Variants in RASSF4 observed in about 807,000 individuals in gnomAD.
RASSF4 encodes the protein Ras association domain family member 4.
In RASSF4, 38 loss-of-function variants were observed where a neutral mutation model predicts 41.1. The ratio of observed to expected loss-of-function variants is 0.92; its 90% confidence interval spans 0.71 to 1.21. The LOEUF (loss-of-function observed/expected upper bound fraction) is 1.21. Ranked by LOEUF, RASSF4 falls within the 50% of genes most tolerant of loss-of-function variation. RASSF4 has a pLI of 0.00. For synonymous variants in RASSF4, 179 were observed against 163.4 expected, an observed-to-expected ratio of 1.10 and a Z score of -0.73; for missense variants, 414 against 419.4, an observed-to-expected ratio of 0.99 and a Z score of 0.11.
At chr10:44,963,380 T>C (rs1289924589) in intron 1 of RASSF4, among the ~76,000 whole-genome samples, 1 of 152,202 alleles carries the variant, frequency 6.6e-6, no homozygotes, top group East Asian at 1.9e-4. Flanking sequence ...CAGAGGCACC[T>C]GGTTTCGGCA....
chr10:44,989,997 ATTAAGT>A (rs1842051387), intron 8 of RASSF4, among the ~76,000 whole-genome samples: 1 of 152,260 alleles, frequency 6.6e-6, no homozygotes, highest in Non-Finnish European at 1.5e-5. Flanking sequence ...CGCTCAGTAC[ATTAAGT>A]TTAATTCTTT....
chr10:44,971,771 A>T lies in RASSF4; in HGVS notation c.63-2A>T. On this transcript the variant is annotated splice_acceptor_variant, in intron 2 of 10. Coordinates refer to ENST00000340258, the MANE Select transcript of RASSF4 (RefSeq NM_032023.4). LOFTEE classifies it high-confidence loss of function. ...AGTACATGTGTGTCTTTCCCTTTTT[A>T]GGTCGGAGCTCTTAGGCCTGCTGAA... 6.2e-7 allele frequency: 1 copy of T among 1,613,424 alleles called. No individual in the cohort carries two copies. The highest frequency in any genetic ancestry group is 8.5e-7 in the Non-Finnish European group (1 of 1,179,380).
chr10:44,992,842 C>T (rs1675276558), intron 10 of RASSF4, among the ~76,000 whole-genome samples: 1 of 152,178 alleles, frequency 6.6e-6, no homozygotes, highest in Non-Finnish European at 1.5e-5. Context: ...TGCAGTCAGT[C>T]CTGACCCCGT....
intron 5 of RASSF4, 174 bp from the exon 6 acceptor site, chr10:44,984,639 C>T: frequency 1.4e-6 from 1 of 729,630 alleles, no homozygotes; most frequent in Non-Finnish European, 2.3e-6. Flanking sequence ...TGGGTCTCAC[C>T]TTCCTATCTG....
intron 3 of RASSF4, among the ~76,000 whole-genome samples, chr10:44,980,281 C>T (rs1023127965): frequency 1.1e-4 from 16 of 152,240 alleles, no homozygotes; most frequent in Non-Finnish European, 1.9e-4. Context: ...TCACCTTGCC[C>T]AAGCTCTTAT....
chr10:44,984,426 C>T, intron 5 of RASSF4: 1 of 491,730 alleles, frequency 2.0e-6, no homozygotes, highest in African/African-American at 1.9e-5. Context: ...GGCCCCTCAC[C>T]TCCCTCTGCG....
At position 44,990,816 on chromosome 10, in the gene RASSF4, C is replaced by T. The variant is rs116370796; in HGVS notation, c.686-132C>T. 5.2e-4 allele frequency: 434 copies of T among 836,748 alleles called. No individual in the cohort carries two copies. In the African/African-American group the frequency reaches 6.2e-3, roughly 12 times the overall value. The allele number at this position is 836,748 out of a possible 1,614,324, so 51.8% of individuals were successfully genotyped here. On this transcript the variant is annotated intron_variant, in intron 8 of 10. Transcript: ENST00000340258. ...CATGAGCAGGAATCTCTCAGGGCAG[C>T]GCTGTTAGCGAGGTCTGTGTTCTTA...
chr10:44,971,576 C>A, intron 2 of RASSF4, 197 bp from the exon 3 acceptor site: 2 of 687,586 alleles, frequency 2.9e-6, no homozygotes, highest in Non-Finnish European at 5.3e-6. Context: ...ACCCCCATGC[C>A]CCCCACCAGG....
intron 1 of RASSF4, among the ~76,000 whole-genome samples, chr10:44,964,561 C>T (rs1205585099): frequency 1.3e-5 from 2 of 152,224 alleles, no homozygotes; most frequent in African/African-American, 4.8e-5. Flanking sequence ...CTGCTGCCAC[C>T]CATGCAGCCT....
chr10:44,994,793 C>T lies in RASSF4; in HGVS notation c.*1464C>T, dbSNP rs1488735740. The T allele has an allele frequency of 6.6e-6, 1 of 150,766 alleles. No individual in the cohort carries two copies. Among genetic ancestry groups the T allele is most frequent in the Non-Finnish European group, 1.5e-5 (1 of 67,914 alleles). The allele number at this position is 150,766 out of a possible 1,614,324, so 9.3% of individuals were successfully genotyped here. On this transcript the variant is annotated 3_prime_UTR_variant, in exon 11 of 11. Coordinates refer to ENST00000340258, the MANE Select transcript of RASSF4 (RefSeq NM_032023.4). ...ACCCCCGGCTCTAACTTCTGAAACT[C>T]TTATCCTAAAGGATGTGTGGCCATG...
At chr10:44,969,377 A>G (rs905686073) in intron 1 of RASSF4, among the ~76,000 whole-genome samples, 1 of 151,800 alleles carries the variant, frequency 6.6e-6, no homozygotes, top group Non-Finnish European at 1.5e-5. Context: ...GTGTGTGTGA[A>G]CCGCGTGTGT....
intron 4 of RASSF4, chr10:44,983,631 T>C (rs1841804518): frequency 8.9e-6 from 2 of 224,964 alleles, no homozygotes; most frequent in South Asian, 1.2e-4. Flanking sequence ...TGGGCCCTTC[T>C]AGGTGGCCCC....
At chr10:44,970,934 G>A (rs1270715464) in intron 2 of RASSF4, 7 of 158,006 alleles carry the variant, frequency 4.4e-5, no homozygotes, top group Admixed American at 4.2e-4. Context: ...ATCACCACGG[G>A]GATGGCCCAA....
At position 44,995,227 on chromosome 10, in the gene RASSF4, T is replaced by G. The variant is rs1009900882; in HGVS notation, c.*1898T>G. On this transcript the variant is annotated 3_prime_UTR_variant, in exon 11 of 11. Transcript: ENST00000340258. The stretch of plus-strand genomic sequence containing the variant: ...GTGCTCAGCCCTGGAGGCACAAAGA[T>G]GGAGCCAGTCTGTCCTGTGTCTAGG... 3 of 152,292 alleles carry G rather than the reference T, an allele frequency of 2.0e-5. No homozygotes were observed. Among genetic ancestry groups the G allele is most frequent in the African/African-American group, 7.2e-5 (3 of 41,472 alleles). The allele number at this position is 152,292 out of a possible 1,614,324, so 9.4% of individuals were successfully genotyped here.
chr10:44,982,798 C>A, intron 4 of RASSF4, 135 bp downstream of exon 4: 1 of 963,178 alleles, frequency 1.0e-6, no homozygotes, highest in Non-Finnish European at 1.6e-6. Flanking sequence ...CATCCCCATG[C>A]CCTGTGACTG....
intron 1 of RASSF4, among the ~76,000 whole-genome samples, chr10:44,962,178 A>G (rs1840733834): frequency 6.6e-6 from 1 of 152,232 alleles, no homozygotes; most frequent in Admixed American, 6.5e-5. Context: ...GCAACACGCT[A>G]GGATCACAGG....
intron 6 of RASSF4, among the ~76,000 whole-genome samples, chr10:44,986,265 C>T (rs538039798): frequency 6.6e-5 from 10 of 152,278 alleles, no homozygotes; most frequent in African/African-American, 2.2e-4. Context: ...CGCTTCTCCT[C>T]GAAGGGTCTC....
In RASSF4 at chr10:44,975,856, G is replaced by C. The variant is rs185621112; in HGVS notation, c.138+4008G>C. Among the ~76,000 whole-genome samples, 6 of 152,022 alleles carry C rather than the reference G, an allele frequency of 3.9e-5. No individual in the cohort carries two copies. The East Asian group carries it at 1.2e-3, about 30-fold the overall frequency. On this transcript the variant is annotated intron_variant, in intron 3 of 10. Coordinates refer to ENST00000340258, the MANE Select transcript of RASSF4 (RefSeq NM_032023.4). ...TGCCAGACCTCCCCAGATGCAGCGA[G>C]GTGGCTTCTGAGCATAGGGGAGTCT...
intron 4 of RASSF4, 76 bp downstream of exon 4, chr10:44,982,739 G>GGA: frequency 6.7e-7 from 1 of 1,499,662 alleles, no homozygotes; most frequent in Non-Finnish European, 9.1e-7. Context: ...CCTCAGGGTG[G>GGA]GAGCCCTGTT....
Sources: allele counts gnomAD v4.1 joint callset (sites outside exome capture counted in the v4.1 genomes callset), GRCh38; gene constraint gnomAD v4.1.1; transcripts MANE v1.5; gene names NCBI Gene and HGNC (gene_info 2026-07-23, HGNC 2026-07-21).